ULBP2: variants seen among roughly 807,000 people sequenced by gnomAD.
ULBP2 encodes the protein UL16-binding protein 2.
Under a neutral mutation model 23.6 loss-of-function variants are expected in ULBP2, and 21 were observed. That is an observed-to-expected ratio of 0.89 (90% confidence interval 0.63 to 1.28). The LOEUF (loss-of-function observed/expected upper bound fraction) is 1.28. Ranked by LOEUF, ULBP2 falls within the 50% of genes most tolerant of loss-of-function variation. ULBP2 has a pLI of 0.00. For missense variants in ULBP2, 251 were observed against 306.0 expected (o/e 0.82, Z 1.34); for synonymous variants, 82 against 112.8 (o/e 0.73, Z 1.73).
chr6:149,946,680 C>G (rs745796293), intron 3 of ULBP2, 27 bp downstream of exon 3: 1 of 1,610,572 alleles, frequency 6.2e-7, no homozygotes, highest in Admixed American at 1.7e-5. Flanking sequence ...AAACGGGGAT[C>G]TCAAATGTGA....
In ULBP2 at chr6:149,948,379, C is replaced by T. The variant is rs142978600; in HGVS notation, c.*23-344C>T. ...AGGCCAAGGGCACAGGAATATGGAG[C>T]CCTCTTTTTGGAAGTCTGCCCCACC... On this transcript the variant is annotated intron_variant, in intron 4 of 4. Transcript: ENST00000367351. Among the ~76,000 whole-genome samples the T allele has an allele frequency of 2.4e-3, 366 of 152,326 alleles. 3 individuals are homozygous for T. Among genetic ancestry groups the T allele is most frequent in the Middle Eastern group, 6.8e-3 (2 of 294 alleles).
chr6:149,949,235 A>C lies in ULBP2; in HGVS notation c.*535A>C, dbSNP rs1277098207. The C allele has an allele frequency of 6.6e-6, 1 of 152,218 alleles. No homozygotes were observed. The highest frequency in any genetic ancestry group is 1.5e-5 in the Non-Finnish European group (1 of 68,106). The allele number at this position is 152,218 out of a possible 1,614,324, so 9.4% of individuals were successfully genotyped here. A position where few individuals can be genotyped will look rare whatever the true frequency, so the allele number is the denominator to read the frequency against. On this transcript the variant is annotated 3_prime_UTR_variant, in exon 5 of 5. Transcript: ENST00000367351. ...AAATAAAGAGTTCTATTTCCCAAAA[A>C]CCTACGGTGTTTAGAATTTTGTTGT...
chr6:149,943,430 C>G (rs533535446), intron 1 of ULBP2, among the ~76,000 whole-genome samples: 1 of 152,044 alleles, frequency 6.6e-6, no homozygotes. Context: ...AGGTACCCTC[C>G]CTGAAGCCTC....
intron 1 of ULBP2, among the ~76,000 whole-genome samples, chr6:149,943,022 T>C (rs1315955219): frequency 6.6e-6 from 1 of 152,104 alleles, no homozygotes; most frequent in East Asian, 1.9e-4. Context: ...TCATAGAGAA[T>C]AGTCACTGTG....
rs548136353 is a variant in ULBP2 at position 149,946,782 on chromosome 6, C to T, written c.631+129C>T. 2.0e-5 allele frequency: 30 copies of T among 1,496,164 alleles called. 1 individual carries two copies. Among genetic ancestry groups the T allele is most frequent in the South Asian group, 1.1e-4 (8 of 75,476 alleles). 92.7% of individuals were successfully genotyped at this position (1,496,164 alleles called of 1,614,324 possible). On this transcript the variant is annotated intron_variant, in intron 3 of 4. Coordinates refer to ENST00000367351, the MANE Select transcript of ULBP2 (RefSeq NM_025217.4). ...ACGTTAAAATGACCTCCTCGTGGGG[C>T]GCTCCTCCTGGGGTTACTGGCATGC...
chr6:149,943,108 G>A (rs184403861), intron 1 of ULBP2, among the ~76,000 whole-genome samples: 12 of 152,278 alleles, frequency 7.9e-5, no homozygotes, highest in East Asian at 5.8e-4. Context: ...TGGGTTCTCC[G>A]TCTCAGTGTC....
chr6:149,946,652 A>T lies in ULBP2; in HGVS notation c.630A>T (p.Gly210=). 6.2e-7 allele frequency: 1 copy of T among 1,613,072 alleles called. No homozygotes were observed. Residue 210 remains glycine, a splice_region_variant and synonymous_variant, in exon 3 of 5, where the codon GGA becomes GGT. Coordinates refer to ENST00000367351, the MANE Select transcript of ULBP2 (RefSeq NM_025217.4). ...ACAGCACCCTGGAGCCAAGTGCAGG[A>T]GGTAACAGGAGAAAAAGAAACGGGG... ...GMDSTLEPSA[G]APLAMSSGTT... is the part of the protein sequence containing the mutation.
intron 1 of ULBP2, among the ~76,000 whole-genome samples, chr6:149,944,213 CTG>C (rs937510635): frequency 6.6e-6 from 1 of 152,210 alleles, no homozygotes; most frequent in South Asian, 2.1e-4. Context: ...TCTTGATGGA[CTG>C]GCTACTTTCA....
Position 149,948,079 on chromosome 6 carries a change from C to T in ULBP2, c.*22+628C>T, listed in dbSNP as rs78352467. Among the ~76,000 whole-genome samples the T allele has an allele frequency of 5.9e-3, 804 of 136,014 alleles. 7 individuals carry two copies. Among genetic ancestry groups the T allele is most frequent in the African/African-American group, 0.02 (769 of 37,998 alleles). The allele number at this position is 136,014 out of a possible 152,430, so 89.2% of individuals were successfully genotyped here. On this transcript the variant is annotated intron_variant, in intron 4 of 4. Transcript: ENST00000367351. ...AAAAAGTCAGTCCCATGGACATGTG[C>T]AGCTCGAGTCTGGGCCCTGAGGCAG...
In ULBP2 at chr6:149,949,141, T is replaced by C. The variant is rs1778986021; in HGVS notation, c.*441T>C. On this transcript the variant is annotated 3_prime_UTR_variant, in exon 5 of 5. Transcript: ENST00000367351. ...GTGTCCTGAAAGAGAATTTTTAAAT[T>C]ATTTAATAAGAAAAAATTTATATTA... 1 of 155,978 alleles carries C rather than the reference T, an allele frequency of 6.4e-6. No homozygotes were observed. Among genetic ancestry groups the C allele is most frequent in the Non-Finnish European group, 1.4e-5 (1 of 70,596 alleles). 9.7% of individuals were successfully genotyped at this position (155,978 alleles called of 1,614,324 possible).
chr6:149,945,795 G>A (rs1228991671), intron 2 of ULBP2, among the ~76,000 whole-genome samples: 2 of 152,270 alleles, frequency 1.3e-5, no homozygotes, highest in African/African-American at 2.4e-5. Context: ...GCAAAAATTA[G>A]CCAGGCATGG....
rs773088624 is a variant in ULBP2, at chr6:149,942,051, T to A, written c.-22T>A. 15 of 1,610,546 alleles carry A rather than the reference T, an allele frequency of 9.3e-6. No homozygotes were observed. The African/African-American group carries it at 1.5e-4, about 16-fold the overall frequency. On this transcript the variant is annotated 5_prime_UTR_variant, in exon 1 of 5. Transcript: ENST00000367351. Reference sequence around the variant, plus strand: ...GGCTCTCCTTCCATCAAGTCTCTCATCCCTAGCGCTCTGGGTCCTTAATGG... The same window carrying A: ...GGCTCTCCTTCCATCAAGTCTCTCAACCCTAGCGCTCTGGGTCCTTAATGG...
chr6:149,944,307 C>T (rs997779312), intron 1 of ULBP2, among the ~76,000 whole-genome samples: 1 of 151,842 alleles, frequency 6.6e-6, no homozygotes, highest in African/African-American at 2.4e-5. Flanking sequence ...CTCTTTTGGA[C>T]CTTGGACCCC....
rs377479122 is a variant in ULBP2, at chr6:149,948,663, C to G, written c.*23-60C>G. On this transcript the variant is annotated intron_variant, in intron 4 of 4. Transcript: ENST00000367351. The stretch of plus-strand genomic sequence containing the variant: ...ACATAGAGTGACTAGGGAAAGATTA[C>G]CCTGGAAAAGTGATCCGGGTTCTCT... 1.3e-5 allele frequency: 6 copies of G among 456,654 alleles called. 1 individual carries two copies. The East Asian group carries it at 2.1e-4, about 16-fold the overall frequency. The allele number at this position is 456,654 out of a possible 1,614,324, so 28.3% of individuals were successfully genotyped here.
chr6:149,947,281 G>T (rs530801166), intron 3 of ULBP2, 39 bp from the exon 4 acceptor site: 61 of 1,219,128 alleles, frequency 5.0e-5, no homozygotes, highest in Non-Finnish European at 5.9e-5. Context: ...CAGATTTGGG[G>T]CCTGGACAAG....
intron 4 of ULBP2, among the ~76,000 whole-genome samples, chr6:149,947,701 A>AG (rs1778963903): frequency 6.6e-6 from 1 of 152,080 alleles, no homozygotes; most frequent in African/African-American, 2.4e-5. Flanking sequence ...ACCAAGGCTC[A>AG]GGGTCTGTTG....
Position 149,947,840 on chromosome 6 carries a change from T to A in ULBP2, c.*22+389T>A, listed in dbSNP as rs568937988. Among the ~76,000 whole-genome samples, 4 of 151,874 alleles carry A rather than the reference T, an allele frequency of 2.6e-5. No homozygotes were observed. In the South Asian group the frequency reaches 8.3e-4, roughly 32 times the overall value. ...CTTAATTGGGTTAGGTGCATCATGG[T>A]AGCTTTACATGAGGTGTGACAGGGG... On this transcript the variant is annotated intron_variant, in intron 4 of 4. Coordinates refer to ENST00000367351, the MANE Select transcript of ULBP2 (RefSeq NM_025217.4).
chr6:149,946,735 A>T (rs750336272), intron 3 of ULBP2, 82 bp downstream of exon 3: 1 of 1,586,794 alleles, frequency 6.3e-7, no homozygotes, highest in East Asian at 2.2e-5. Context: ...GTTCAGCTTC[A>T]ATCATCCCAG....
At chr6:149,943,570 C>A (rs1778895760) in intron 1 of ULBP2, among the ~76,000 whole-genome samples, 1 of 152,190 alleles carries the variant, frequency 6.6e-6, no homozygotes, top group African/African-American at 2.4e-5. Context: ...TGCGTCTTCT[C>A]ACTGCTGGGC....
Sources: allele counts gnomAD v4.1 joint callset (sites outside exome capture counted in the v4.1 genomes callset), GRCh38; gene constraint gnomAD v4.1.1; transcripts MANE v1.5; gene names NCBI Gene and HGNC (gene_info 2026-07-23, HGNC 2026-07-21).